The following RORA variants were observed in gnomAD, a reference collection of about 807,000 sequenced individuals.
RORA encodes the protein nuclear receptor ROR-alpha.
Under a neutral mutation model 69.5 loss-of-function variants are expected in RORA, and 7 were observed. The ratio of observed to expected loss-of-function variants is 0.10; its 90% CI spans 0.06 to 0.19. The LOEUF is 0.19. Ranked by LOEUF, RORA falls within the 10% of genes least tolerant of loss-of-function variation. RORA has a pLI of 1.00. For synonymous variants in RORA, 261 were observed against 240.8 expected, an observed-to-expected ratio of 1.08 and a Z score of -0.78; for missense variants, 457 against 663.0, an observed-to-expected ratio of 0.69 and a Z score of 3.41.
chr15:60,854,567 A>C (rs2140417870), intron 1 of RORA, among the ~76,000 whole-genome samples: 1 of 152,354 alleles, frequency 6.6e-6, no homozygotes, highest in African/African-American at 2.4e-5. Flanking sequence ...CACAGCACAC[A>C]CATGAACATA....
At chr15:60,752,875 A>AT (rs1208939311) in intron 1 of RORA, among the ~76,000 whole-genome samples, 2 of 152,138 alleles carry the variant, frequency 1.3e-5, no homozygotes, top group Non-Finnish European at 2.9e-5. Context: ...GATTAGATTC[A>AT]TTTTCCTGGG....
chr15:60,787,835 G>A (rs550473738), intron 1 of RORA, among the ~76,000 whole-genome samples: 1 of 152,312 alleles, frequency 6.6e-6, no homozygotes, highest in South Asian at 2.1e-4. Context: ...AGGAAAGAGT[G>A]GAAGTTCATC....
intron 1 of RORA, among the ~76,000 whole-genome samples, chr15:61,208,867 A>G (rs13329418): frequency 0.053 from 8,110 of 152,282 alleles, 738 homozygotes; most frequent in African/African-American, 0.18. Flanking sequence ...ATAATAAAAT[A>G]TCCTCACAAA....
intron 1 of RORA, among the ~76,000 whole-genome samples, chr15:60,697,524 C>T (rs1290626081): frequency 6.6e-6 from 1 of 152,016 alleles, no homozygotes; most frequent in Non-Finnish European, 1.5e-5. Flanking sequence ...CTTGCTTTAA[C>T]CTGCAGAGTC....
intron 1 of RORA, among the ~76,000 whole-genome samples, chr15:60,811,076 T>A (rs1177620340): frequency 6.6e-6 from 1 of 152,178 alleles, no homozygotes; most frequent in Non-Finnish European, 1.5e-5. Flanking sequence ...GAGTCTTCAA[T>A]TAAATACATG....
intron 1 of RORA, among the ~76,000 whole-genome samples, chr15:61,182,446 A>T (rs984680015): frequency 6.6e-6 from 1 of 152,204 alleles, no homozygotes; most frequent in Non-Finnish European, 1.5e-5. Context: ...AAATAAAAGC[A>T]ATGCTTTACA....
intron 2 of RORA, among the ~76,000 whole-genome samples, chr15:60,621,630 T>C (rs1161334650): frequency 2.6e-5 from 4 of 152,138 alleles, no homozygotes; most frequent in Non-Finnish European, 5.9e-5. Flanking sequence ...GCTTTAAAAA[T>C]ACAAAAACAG....
chr15:61,021,268 T>C (rs1259705894), intron 1 of RORA, among the ~76,000 whole-genome samples: 2 of 152,180 alleles, frequency 1.3e-5, no homozygotes, highest in Non-Finnish European at 2.9e-5. Flanking sequence ...GCCTCTATAG[T>C]GGGAGACTAG....
At chr15:60,667,148 C>T (rs749254738) in intron 2 of RORA, among the ~76,000 whole-genome samples, 1 of 152,120 alleles carries the variant, frequency 6.6e-6, no homozygotes, top group Admixed American at 6.6e-5. Flanking sequence ...GTCTTGGTAC[C>T]ACTAGACAAG....
At chr15:60,700,484 C>G (rs1158023929) in intron 1 of RORA, among the ~76,000 whole-genome samples, 1 of 152,198 alleles carries the variant, frequency 6.6e-6, no homozygotes, top group East Asian at 1.9e-4. Context: ...ACATTTTTAA[C>G]TCATTCCTCA....
intron 2 of RORA, among the ~76,000 whole-genome samples, chr15:60,630,937 A>AGT (rs1014397375): frequency 8.0e-6 from 1 of 125,178 alleles, no homozygotes; most frequent in Non-Finnish European, 1.6e-5. Flanking sequence ...ACCAAGCTGG[A>AGT]GTACAGTGGC....
At chr15:60,701,670 C>T (rs1036008472) in intron 1 of RORA, among the ~76,000 whole-genome samples, 5 of 152,158 alleles carry the variant, frequency 3.3e-5, no homozygotes, top group Admixed American at 1.3e-4. Context: ...GCCCTGTCCC[C>T]GACTCGGTCT....
At chr15:60,713,795 C>T (rs2071179065) in intron 1 of RORA, among the ~76,000 whole-genome samples, 1 of 152,170 alleles carries the variant, frequency 6.6e-6, no homozygotes. Flanking sequence ...CTATGAAGGG[C>T]TCAATACATA....
At position 60,488,673 on chromosome 15, in the gene RORA, T is replaced by C. The variant is rs1041325474; in HGVS notation, c.*8782A>G. ...ATACTAGTTTTAGGATTCCCATAAATGGCTTGCATTTTTAGTGTGGCAGAA... is the reference window on the plus strand; with the variant it reads ...ATACTAGTTTTAGGATTCCCATAAACGGCTTGCATTTTTAGTGTGGCAGAA... On this transcript the variant is annotated 3_prime_UTR_variant, in exon 11 of 11. Transcript: ENST00000335670. 6.6e-6 allele frequency: 1 copy of C among 152,234 alleles called. No homozygotes were observed. The highest frequency in any genetic ancestry group is 2.4e-5 in the African/African-American group (1 of 41,456). 9.4% of individuals were successfully genotyped at this position (152,234 alleles called of 1,614,324 possible).
intron 2 of RORA, among the ~76,000 whole-genome samples, chr15:60,552,085 G>A (rs986277580): frequency 2.0e-5 from 3 of 152,222 alleles, no homozygotes; most frequent in African/African-American, 7.2e-5. Context: ...GAGGCAGTGA[G>A]CCTTGCATCA....
At chr15:61,175,548 A>AAAAAAAAAC (rs1483483256) in intron 1 of RORA, among the ~76,000 whole-genome samples, 3 of 151,346 alleles carry the variant, frequency 2.0e-5, no homozygotes, top group African/African-American at 7.3e-5. Context: ...TTCTAAAAAA[A>AAAAAAAAAC]AAAAAAAAAA....
chr15:60,630,846 A>G (rs905437752), intron 2 of RORA, among the ~76,000 whole-genome samples: 1 of 151,454 alleles, frequency 6.6e-6, no homozygotes, highest in African/African-American at 2.4e-5. Context: ...AAACTGCCCA[A>G]AGTCACACTG....
chr15:60,837,555 G>A (rs1052753682), intron 1 of RORA, among the ~76,000 whole-genome samples: 3 of 152,142 alleles, frequency 2.0e-5, no homozygotes, highest in Non-Finnish European at 4.4e-5. Flanking sequence ...CAAGAAAATC[G>A]CCACCTCCTG....
rs933953732 is a variant in RORA at position 61,110,602 on chromosome 15, T to C, written c.166+118451A>G. 1.2e-4 allele frequency among the ~76,000 whole-genome samples: 19 copies of C among 152,306 alleles called. No individual in the cohort carries two copies. In the East Asian group the frequency reaches 3.1e-3, roughly 25 times the overall value. ...ATTCCAGAAGGAGGCATTGCTGTTA[T>C]AGGCGAGGACAGCTCAATGCCTGTT... On this transcript the variant is annotated intron_variant, in intron 1 of 10. Coordinates refer to ENST00000335670, the MANE Select transcript of RORA (RefSeq NM_134261.3).
Sources: gnomAD v4.1 joint callset for allele counts (sites outside exome capture counted in the v4.1 genomes callset) on GRCh38, gnomAD v4.1.1 for gene constraint, MANE v1.5 for transcripts, NCBI Gene and HGNC (gene_info 2026-07-23, HGNC 2026-07-21) for gene names.